Variants in CELF2 observed in about 807,000 individuals in gnomAD.
The protein encoded by CELF2 is CUG triplet repeat RNA-binding protein 2.
CELF2 carries 8 observed loss-of-function variants against 62.6 expected under a neutral mutation model. That is an observed-to-expected ratio of 0.13 (90% confidence interval 0.07 to 0.23). CELF2 has a LOEUF of 0.23. Among genes scored for constraint, CELF2 ranks in the 10% least tolerant of loss-of-function variants. The pLI, the probability that CELF2 is intolerant of heterozygous loss-of-function variation, is 1.00. For synonymous variants in CELF2, 258 were observed against 250.0 expected (o/e 1.03, Z -0.30); for missense variants, 333 against 671.0 (o/e 0.50, Z 5.56).
chr10:11,005,876 T>A lies in CELF2; in HGVS notation c.53+436T>A, dbSNP rs1456506867. Reference sequence around the variant, plus strand: ...ACTTGCGTTCCAAATACCGCTCTAATCTGGACTTAGCCTACCTAAATAGTC... The same window carrying A: ...ACTTGCGTTCCAAATACCGCTCTAAACTGGACTTAGCCTACCTAAATAGTC... On this transcript the variant is annotated intron_variant, in intron 1 of 12. Coordinates refer to the CELF2 transcript ENST00000416382. The surrounding 1 kb of genome is among the most constrained non-coding windows in gnomAD (Gnocchi z 4.3). Among the ~76,000 whole-genome samples the A allele has an allele frequency of 6.6e-6, 1 of 152,226 alleles. No homozygotes were observed. Among genetic ancestry groups the A allele is most frequent in the Admixed American group, 6.5e-5 (1 of 15,290 alleles).
chr10:11,328,939 C>T lies in CELF2; in HGVS notation c.1452C>T (p.Tyr484=), dbSNP rs1209203421. The stretch of plus-strand genomic sequence containing the variant: ...GGTATTTTCCAGGTTTTGTTAGCTA[C>T]GACAATCCAGTCTCTGCACAAGCTG... ...NLSKCFGFVS[Y]DNPVSAQAAI... Residue 484 remains tyrosine, a synonymous_variant, in exon 13 of 13, where the codon TAC becomes TAT. Transcript: ENST00000633077. This position sits in a 1 kb window ranked among gnomAD's most constrained non-coding sequence, Gnocchi z 6.4. 6.2e-6 allele frequency: 10 copies of T among 1,612,126 alleles called. No individual in the cohort carries two copies. The highest frequency in any genetic ancestry group is 2.2e-5 in the East Asian group (1 of 44,792).
chr10:10,627,613 T>C, the CELF2 span, among the ~76,000 whole-genome samples: 1 of 152,208 alleles, frequency 6.6e-6, no homozygotes, highest in African/African-American at 2.4e-5. Context: ...TCTTAGGGGA[T>C]GGTGGCTCTT....
At chr10:10,596,055 C>T in the CELF2 span, among the ~76,000 whole-genome samples, 1 of 152,176 alleles carries the variant, frequency 6.6e-6, no homozygotes, top group Admixed American at 6.5e-5. Context: ...CTAGCTCACC[C>T]TTGAATTCTT....
chr10:10,466,278 C>A, the CELF2 span, among the ~76,000 whole-genome samples: 13 of 152,210 alleles, frequency 8.5e-5, no homozygotes, highest in African/African-American at 3.1e-4. Context: ...GATTAATTTA[C>A]ATTTTATAAA....
At chr10:10,683,040 T>A in the CELF2 span, among the ~76,000 whole-genome samples, 6 of 152,294 alleles carry the variant, frequency 3.9e-5, no homozygotes, top group African/African-American at 1.4e-4. Context: ...CTTTCTCTTT[T>A]CTCTAATTTC....
At chr10:10,798,265 A>G (rs897138587), upstream of CELF2, 1 of 152,538 alleles carries the variant, frequency 6.6e-6, no homozygotes, top group African/African-American at 2.4e-5. Flanking sequence ...AGCCACGAAA[A>G]AAGGAGGAAA....
intron 2 of CELF2, among the ~76,000 whole-genome samples, chr10:10,987,810 A>G (rs1389491192): frequency 1.3e-5 from 2 of 152,228 alleles, no homozygotes; most frequent in African/African-American, 4.8e-5. Flanking sequence ...GAACATGAAT[A>G]GACAATTCTC....
the CELF2 span, among the ~76,000 whole-genome samples, chr10:10,519,625 T>C: frequency 6.6e-6 from 1 of 152,198 alleles, no homozygotes; most frequent in Non-Finnish European, 1.5e-5. Context: ...AAAGCTTTCT[T>C]AGAAGTAAAC....
In CELF2 at chr10:11,007,286, A is replaced by G. The variant is rs112799302; in HGVS notation, c.53+1846A>G. Among the ~76,000 whole-genome samples, 268 of 152,356 alleles carry G rather than the reference A, an allele frequency of 1.8e-3. 1 individual carries two copies. Among genetic ancestry groups the G allele is most frequent in the African/African-American group, 6.0e-3 (249 of 41,596 alleles). ...TAAATTAATGATGTTCTCAATAAAT[A>G]AGAAACAAGATGTATTACTTAGGAA... is the stretch of plus-strand genomic sequence containing the variant. On this transcript the variant is annotated intron_variant, in intron 1 of 12. Transcript: ENST00000416382.
At chr10:10,740,087 G>A in the CELF2 span, among the ~76,000 whole-genome samples, 1 of 138,200 alleles carries the variant, frequency 7.2e-6, no homozygotes, top group African/African-American at 2.7e-5. Flanking sequence ...TGTGTTGATT[G>A]TTTCCTTTGC....
At chr10:10,495,150 G>C in the CELF2 span, among the ~76,000 whole-genome samples, 1 of 152,070 alleles carries the variant, frequency 6.6e-6, no homozygotes, top group Non-Finnish European at 1.5e-5. Flanking sequence ...GCATGGTGGC[G>C]GGCGCCTGTA....
the CELF2 span, among the ~76,000 whole-genome samples, chr10:10,640,990 T>C: frequency 6.6e-6 from 1 of 152,140 alleles, no homozygotes; most frequent in Non-Finnish European, 1.5e-5. Flanking sequence ...GACATGAGTA[T>C]GATAAACCGT....
At chr10:10,635,385 G>T in the CELF2 span, among the ~76,000 whole-genome samples, 1 of 152,038 alleles carries the variant, frequency 6.6e-6, no homozygotes, top group Non-Finnish European at 1.5e-5. Context: ...TTTTTCCGTG[G>T]AAAGATTCCA....
At chr10:10,897,207 A>T (rs997324560) in intron 1 of CELF2, among the ~76,000 whole-genome samples, 7 of 152,208 alleles carry the variant, frequency 4.6e-5, no homozygotes, top group Admixed American at 1.3e-4. Flanking sequence ...TCATGAATAG[A>T]TTGTTGGTAG....
At chr10:11,091,536 G>T (rs961344359) in intron 1 of CELF2, among the ~76,000 whole-genome samples, 1 of 152,184 alleles carries the variant, frequency 6.6e-6, no homozygotes, top group African/African-American at 2.4e-5. Flanking sequence ...TTTAAAGACA[G>T]GGTAAACTAG....
At position 11,319,735 on chromosome 10, in the gene CELF2, C is replaced by A. The variant is rs761824783; in HGVS notation, c.1097-1454C>A. The A allele has an allele frequency of 8.5e-6, 4 of 469,998 alleles. No homozygotes were observed. The East Asian group carries it at 2.1e-4, about 24-fold the overall frequency. 29.1% of individuals were successfully genotyped at this position (469,998 alleles called of 1,614,324 possible). On this transcript the variant is annotated intron_variant, in intron 10 of 12. Transcript: ENST00000633077. The surrounding 1 kb of genome is among the most constrained non-coding windows in gnomAD (Gnocchi z 4.4). ...CTGTTCTGAGAAGCACAGGAATACC[C>A]GAGGTGAGGCACAATGACAGTCCTC...
At chr10:11,127,104 C>T (rs1690089383) in intron 1 of CELF2, among the ~76,000 whole-genome samples, 1 of 152,050 alleles carries the variant, frequency 6.6e-6, no homozygotes, top group South Asian at 2.1e-4. Context: ...TACATGTGTT[C>T]TCATTGTTCA....
chr10:10,494,440 C>T, the CELF2 span, among the ~76,000 whole-genome samples: 4 of 152,226 alleles, frequency 2.6e-5, no homozygotes, highest in South Asian at 2.1e-4. Flanking sequence ...AATAGCAGAG[C>T]GCATTACAAG....
Position 11,075,045 on chromosome 10 carries a change from G to T in CELF2, c.74+56882G>T, listed in dbSNP as rs1444106409. On this transcript the variant is annotated intron_variant, in intron 1 of 12. Transcript: ENST00000633077. The surrounding 1 kb of genome is among the most constrained non-coding windows in gnomAD (Gnocchi z 5.4). ...TCTTTGACTCAGAATGGAATTGAAA[G>T]ATGCTTTCGATTCTCTTGTTTCCTC... is the stretch of plus-strand genomic sequence containing the variant. 1 of 152,222 alleles carries T rather than the reference G, an allele frequency of 6.6e-6. No homozygotes were observed. The highest frequency in any genetic ancestry group is 2.4e-5 in the African/African-American group (1 of 41,458). 9.4% of individuals were successfully genotyped at this position (152,222 alleles called of 1,614,324 possible).
Sources: allele counts gnomAD v4.1 joint callset (sites outside exome capture counted in the v4.1 genomes callset), GRCh38; gene constraint gnomAD v4.1.1; non-coding constraint Gnocchi (gnomAD v3.1); transcripts MANE v1.5; gene names NCBI Gene and HGNC (gene_info 2026-07-23, HGNC 2026-07-21).